Variants in SLC4A8 observed in about 807,000 individuals in gnomAD.
SLC4A8 encodes the protein electroneutral sodium bicarbonate exchanger 1.
A neutral mutation model predicts 125.0 loss-of-function variants in SLC4A8; 40 were observed. That is an observed-to-expected ratio of 0.32 (90% CI 0.25 to 0.42). The LOEUF (loss-of-function observed/expected upper bound fraction) is 0.42, where lower values mean the gene tolerates loss of function less well. SLC4A8 is among the 10% of genes least tolerant of loss of function. The pLI is 1.00. For missense variants in SLC4A8, 863 were observed against 1,355.1 expected (o/e 0.64, Z 5.70); for synonymous variants, 456 against 476.0 (o/e 0.96, Z 0.55).
chr12:51,434,047 G>A (rs894615879), intron 1 of SLC4A8, among the ~76,000 whole-genome samples: 1 of 151,658 alleles, frequency 6.6e-6, no homozygotes. Context: ...GCTAATTTTT[G>A]AATTTGTTGT....
At chr12:51,399,755 A>G (rs915898275) in intron 1 of SLC4A8, among the ~76,000 whole-genome samples, 1 of 152,178 alleles carries the variant, frequency 6.6e-6, no homozygotes, top group Non-Finnish European at 1.5e-5. Flanking sequence ...AGGCTGAGGC[A>G]GGCAGATCAC....
At chr12:51,480,440 G>A in intron 16 of SLC4A8, 1 of 1,104,704 alleles carries the variant, frequency 9.1e-7, no homozygotes, top group South Asian at 2.1e-5. Flanking sequence ...CGTGGATTGG[G>A]TCAACTGATT....
rs555913859 is a variant in SLC4A8, at chr12:51,425,130, T to G, written c.48+95T>G. On this transcript the variant is annotated intron_variant, in intron 1 of 24. Transcript: ENST00000453097. ...CTTCCTTCTGCCCCCGAGCCCAGGC[T>G]TCCCAGGCCGCTCCCTGAGGGCGAG... 12 of 1,472,516 alleles carry G rather than the reference T, an allele frequency of 8.1e-6. No homozygotes were observed. In the Admixed American group the frequency reaches 9.0e-5, roughly 11 times the overall value. 91.2% of individuals were successfully genotyped at this position (1,472,516 alleles called of 1,614,324 possible).
At chr12:51,403,224 G>A in intron 1 of SLC4A8, 1 of 456,908 alleles carries the variant, frequency 2.2e-6, no homozygotes, top group South Asian at 1.5e-5. Flanking sequence ...GGGAGACCCA[G>A]GATACCTAAA....
intron 1 of SLC4A8, among the ~76,000 whole-genome samples, chr12:51,394,991 T>C (rs1435969501): frequency 6.6e-6 from 1 of 151,976 alleles, no homozygotes; most frequent in Admixed American, 6.6e-5. Context: ...ACTGCAATGC[T>C]ACATTCTAGT....
intron 1 of SLC4A8, among the ~76,000 whole-genome samples, chr12:51,416,778 G>A (rs1948694398): frequency 6.6e-6 from 1 of 152,152 alleles, no homozygotes; most frequent in African/African-American, 2.4e-5. Context: ...CTGTAGTGCT[G>A]TATCATTCAA....
chr12:51,438,953 C>T (rs995131999), intron 1 of SLC4A8, among the ~76,000 whole-genome samples: 2 of 152,104 alleles, frequency 1.3e-5, no homozygotes, highest in Admixed American at 1.3e-4. Flanking sequence ...ATTCTTTTAA[C>T]AAAGATTTAT....
intron 16 of SLC4A8, among the ~76,000 whole-genome samples, chr12:51,478,020 T>TA (rs1950904295): frequency 6.6e-6 from 1 of 151,970 alleles, no homozygotes. Flanking sequence ...CTCACGCCTG[T>TA]AATCCCAGAA....
intron 12 of SLC4A8, among the ~76,000 whole-genome samples, chr12:51,470,140 T>TACTG (rs1273237824): frequency 6.6e-6 from 1 of 152,174 alleles, no homozygotes; most frequent in African/African-American, 2.4e-5. Flanking sequence ...TATTTTCAAA[T>TACTG]ACTGAATTGA....
intron 9 of SLC4A8, chr12:51,461,503 A>G: frequency 2.3e-6 from 1 of 430,416 alleles, no homozygotes; most frequent in Admixed American, 3.8e-5. Context: ...TTTTTGAGTA[A>G]TCAAGAATGC....
intron 19 of SLC4A8, among the ~76,000 whole-genome samples, chr12:51,492,602 A>G (rs1951347204): frequency 6.6e-6 from 1 of 152,202 alleles, no homozygotes; most frequent in Non-Finnish European, 1.5e-5. Context: ...TAGTTCACAA[A>G]CAACATCGAA....
At chr12:51,469,591 G>A (rs377597434) in intron 11 of SLC4A8, 23 bp from the exon 12 acceptor site, 3 of 1,609,642 alleles carry the variant, frequency 1.9e-6, no homozygotes, top group Non-Finnish European at 2.5e-6. Flanking sequence ...TGTGTTAGAA[G>A]CCTGTCTGTT....
intron 1 of SLC4A8, chr12:51,402,966 C>T (rs562760619): frequency 6.3e-6 from 2 of 315,060 alleles, no homozygotes; most frequent in Middle Eastern, 1.2e-3. Context: ...AGAATCCCCC[C>T]CAGTGAAAGG....
intron 1 of SLC4A8, among the ~76,000 whole-genome samples, chr12:51,403,662 C>T (rs896455784): frequency 6.6e-6 from 1 of 152,156 alleles, no homozygotes; most frequent in African/African-American, 2.4e-5. Context: ...ACGGCAGGTT[C>T]ACTGCCTTTA....
At chr12:51,488,166 T>C (rs1468890231) in intron 17 of SLC4A8, among the ~76,000 whole-genome samples, 2 of 152,370 alleles carry the variant, frequency 1.3e-5, no homozygotes, top group East Asian at 3.9e-4. Context: ...AAAAGGGGCT[T>C]GCTGCCCAAT....
intron 2 of SLC4A8, among the ~76,000 whole-genome samples, chr12:51,445,680 T>G (rs888543678): frequency 6.6e-6 from 1 of 152,088 alleles, no homozygotes; most frequent in African/African-American, 2.4e-5. Context: ...TGGAATACTC[T>G]TCTCCCAGGT....
chr12:51,475,215 C>T lies in SLC4A8; in HGVS notation c.2172+9C>T, dbSNP rs1950823817. The T allele has an allele frequency of 6.2e-7, 1 of 1,612,526 alleles. No homozygotes were observed. Among genetic ancestry groups the T allele is most frequent in the Non-Finnish European group, 8.5e-7 (1 of 1,178,674 alleles). ...GTTATTTCCCAACCAGAGTAGGTAG[C>T]ATGTTCATGCATTTCTTTCACGTTA... is the stretch of plus-strand genomic sequence containing the variant. On this transcript the variant is annotated intron_variant, in intron 16 of 24. Transcript: ENST00000453097.
At chr12:51,415,154 A>T (rs1948661086) in intron 1 of SLC4A8, among the ~76,000 whole-genome samples, 1 of 152,012 alleles carries the variant, frequency 6.6e-6, no homozygotes. Flanking sequence ...AGGTTGGTGC[A>T]AAAGTAATTG....
intron 19 of SLC4A8, among the ~76,000 whole-genome samples, chr12:51,492,079 A>G (rs187468230): frequency 1.3e-5 from 2 of 152,288 alleles, no homozygotes; most frequent in Admixed American, 6.5e-5. Context: ...GTGGGGCTAA[A>G]AGAGAGGTTT....
Sources: allele counts gnomAD v4.1 joint callset (sites outside exome capture counted in the v4.1 genomes callset), GRCh38; gene constraint gnomAD v4.1.1; transcripts MANE v1.5; gene names NCBI Gene and HGNC (gene_info 2026-07-23, HGNC 2026-07-21).